DSE: variants seen among roughly 807,000 people sequenced by gnomAD.
DSE encodes dermatan sulfate epimerase.
DSE carries 36 observed loss-of-function variants against 84.4 expected under a neutral mutation model. The observed-to-expected ratio is 0.43, with a 90% CI of 0.33 to 0.56. The LOEUF is 0.56. DSE is among the 20% of genes least tolerant of loss of function. DSE has a pLI of 0.06. For synonymous variants in DSE, 410 were observed against 430.1 expected, an observed-to-expected ratio of 0.95 and a Z score of 0.58; for missense variants, 862 against 1,169.6, an observed-to-expected ratio of 0.74 and a Z score of 3.84.
rs1784341416 is a variant in DSE, at chr6:116,439,049, C to T, written c.*1704C>T. ...CTTCCGTTTGTCCTGCATGGATGCTCTTACTAGGATTTAAACTTGCTTTAT... is the reference window on the plus strand; with the variant it reads ...CTTCCGTTTGTCCTGCATGGATGCTTTTACTAGGATTTAAACTTGCTTTAT... On this transcript the variant is annotated 3_prime_UTR_variant, in exon 6 of 6. Transcript: ENST00000644252. 1 of 152,112 alleles carries T rather than the reference C, an allele frequency of 6.6e-6. No individual in the cohort carries two copies. Among genetic ancestry groups the T allele is most frequent in the Non-Finnish European group, 1.5e-5 (1 of 68,020 alleles). The allele number at this position is 152,112 out of a possible 1,614,324, so 9.4% of individuals were successfully genotyped here.
At chr6:116,358,111 C>T (rs1343220351) in intron 2 of DSE, among the ~76,000 whole-genome samples, 8 of 152,182 alleles carry the variant, frequency 5.3e-5, no homozygotes, top group East Asian at 1.9e-4. Context: ...AGAAGGCAGG[C>T]AAGTCTTCTT....
intron 2 of DSE, among the ~76,000 whole-genome samples, chr6:116,266,338 A>T (rs552983809): frequency 3.8e-4 from 58 of 152,306 alleles, no homozygotes; most frequent in African/African-American, 1.3e-3. Context: ...TTGAGGAAGG[A>T]AAATAAGCCT....
chr6:116,261,936 G>A (rs1224719793), intron 2 of DSE, among the ~76,000 whole-genome samples: 1 of 152,158 alleles, frequency 6.6e-6, no homozygotes, highest in Non-Finnish European at 1.5e-5. Context: ...TACATCCCAA[G>A]GATAAAGCCT....
intron 2 of DSE, among the ~76,000 whole-genome samples, chr6:116,347,165 A>C (rs1340812726): frequency 6.6e-6 from 1 of 152,234 alleles, no homozygotes; most frequent in East Asian, 1.9e-4. Flanking sequence ...GGATAGGAGG[A>C]ATCAATATCC....
At chr6:116,387,278 G>C (rs1780633696) in intron 1 of DSE, among the ~76,000 whole-genome samples, 1 of 152,094 alleles carries the variant, frequency 6.6e-6, no homozygotes, top group Non-Finnish European at 1.5e-5. Context: ...AAAAACTGCA[G>C]AGTAATGAAA....
At chr6:116,335,347 G>A (rs1439129557) in intron 2 of DSE, among the ~76,000 whole-genome samples, 1 of 151,990 alleles carries the variant, frequency 6.6e-6, no homozygotes, top group Non-Finnish European at 1.5e-5. Context: ...ACACAAAGAG[G>A]GGAACAACAC....
chr6:116,407,251 G>A (rs1781989605), intron 2 of DSE, among the ~76,000 whole-genome samples: 1 of 152,178 alleles, frequency 6.6e-6, no homozygotes. Context: ...TAAGGGAGAG[G>A]GAGGCATAAA....
At chr6:116,387,002 C>T (rs955045659) in intron 1 of DSE, among the ~76,000 whole-genome samples, 3 of 152,262 alleles carry the variant, frequency 2.0e-5, no homozygotes, top group South Asian at 2.1e-4. Context: ...ATGTCAAGAA[C>T]GGTTTAGCTA....
chr6:116,371,930 A>G (rs962241796), intron 1 of DSE, among the ~76,000 whole-genome samples: 8 of 152,216 alleles, frequency 5.3e-5, no homozygotes, highest in Non-Finnish European at 1.2e-4. Context: ...TGGAAACCGA[A>G]GCCTTTGGTT....
At chr6:116,409,162 C>A (rs1782133527) in intron 2 of DSE, among the ~76,000 whole-genome samples, 1 of 152,174 alleles carries the variant, frequency 6.6e-6, no homozygotes, top group Non-Finnish European at 1.5e-5. Flanking sequence ...TTATTGTTAT[C>A]TTTATTACTT....
chr6:116,319,846 T>A (rs1431532706), intron 2 of DSE, among the ~76,000 whole-genome samples: 1 of 152,176 alleles, frequency 6.6e-6, no homozygotes, highest in Non-Finnish European at 1.5e-5. Flanking sequence ...TTCTTCTCCC[T>A]CCTGTTTACA....
chr6:116,293,087 A>G (rs1416494950), intron 2 of DSE, among the ~76,000 whole-genome samples: 2 of 152,072 alleles, frequency 1.3e-5, no homozygotes, highest in Non-Finnish European at 1.5e-5. Flanking sequence ...ATTAAAGAAA[A>G]CCCTCTCATA....
At chr6:116,359,095 T>TA (rs1487268029) in intron 2 of DSE, among the ~76,000 whole-genome samples, 1 of 152,126 alleles carries the variant, frequency 6.6e-6, no homozygotes, top group Non-Finnish European at 1.5e-5. Context: ...AAATAAAAAA[T>TA]AGAAACATTG....
rs757527963 is a variant in DSE at position 116,425,624 on chromosome 6, A to AT, written c.417-946dup. On this transcript the variant is annotated intron_variant, in intron 2 of 5. Transcript: ENST00000644252. ...ATTTTATTTTATTTATTTTTATTTT[A>AT]TTTTATTTTTTTTTTTGAGACGGAG... Among the ~76,000 whole-genome samples the AT allele has an allele frequency of 3.2e-3, 269 of 83,536 alleles. 8 individuals carry two copies. The highest frequency in any genetic ancestry group is 0.011 in the African/African-American group (212 of 20,008). 54.8% of individuals were successfully genotyped at this position (83,536 alleles called of 152,430 possible).
intron 2 of DSE, among the ~76,000 whole-genome samples, chr6:116,332,954 C>A (rs1777038653): frequency 6.6e-6 from 1 of 152,060 alleles, no homozygotes; most frequent in Non-Finnish European, 1.5e-5. Flanking sequence ...CAGGAAAATG[C>A]AAATTAAAAC....
intron 2 of DSE, among the ~76,000 whole-genome samples, chr6:116,323,274 A>T (rs1004218249): frequency 6.6e-6 from 1 of 152,178 alleles, no homozygotes; most frequent in Non-Finnish European, 1.5e-5. Context: ...CTTGTAAGAA[A>T]TCCTATACTG....
intron 2 of DSE, among the ~76,000 whole-genome samples, chr6:116,418,434 C>T (rs1013333588): frequency 6.6e-6 from 1 of 152,162 alleles, no homozygotes; most frequent in Non-Finnish European, 1.5e-5. Flanking sequence ...ACCAACTCTA[C>T]CTTAGAGTAG....
At chr6:116,389,487 G>A (rs184112958) in intron 1 of DSE, among the ~76,000 whole-genome samples, 10 of 152,150 alleles carry the variant, frequency 6.6e-5, no homozygotes, top group Non-Finnish European at 1.5e-4. Flanking sequence ...GAAGAAATAG[G>A]TTTAGATAGC....
At chr6:116,299,902 T>C (rs1464564450) in intron 2 of DSE, among the ~76,000 whole-genome samples, 2 of 152,298 alleles carry the variant, frequency 1.3e-5, no homozygotes, top group Non-Finnish European at 2.9e-5. Context: ...CTGAGATTGC[T>C]GGTGTTTTGG....
Sources: allele counts gnomAD v4.1 joint callset (sites outside exome capture counted in the v4.1 genomes callset), GRCh38; gene constraint gnomAD v4.1.1; transcripts MANE v1.5; gene names NCBI Gene and HGNC (gene_info 2026-07-23, HGNC 2026-07-21).